LY6L: variants seen among roughly 807,000 people sequenced by gnomAD.
The protein encoded by LY6L is lymphocyte antigen 6 family member L, also known as lymphocyte antigen 6L.
A neutral mutation model predicts 8.3 loss-of-function variants in LY6L; 8 were observed. The ratio of observed to expected loss-of-function variants is 0.97; its 90% CI spans 0.57 to 1.74. LY6L has a LOEUF of 1.74. Ranked by LOEUF, LY6L falls within the 40% of genes most tolerant of loss-of-function variation. The pLI, the probability that LY6L is intolerant of heterozygous loss-of-function variation, is 0.00. For synonymous variants in LY6L, 79 were observed against 77.9 expected (o/e 1.01, Z -0.07); for missense variants, 156 against 183.8 (o/e 0.85, Z 0.87).
chr8:143,080,917 G>T (rs184426919), intron 1 of LY6L, 119 bp from the exon 2 acceptor site: 13 of 694,184 alleles, frequency 1.9e-5, no homozygotes, highest in Admixed American at 2.9e-5. Flanking sequence ...GTCCGGGAGC[G>T]CAGGAGGCTA....
chr8:143,081,154 G>T, intron 2 of LY6L, 28 bp downstream of exon 2: 1 of 1,532,658 alleles, frequency 6.5e-7, no homozygotes, highest in South Asian at 1.2e-5. Context: ...CTGGGCTGGG[G>T]GCGTCGGGGC....
At position 143,082,630 on chromosome 8, in the gene LY6L, C is replaced by T; in HGVS notation, c.396C>T (p.Ser132=). The change falls in exon 4 of 4, where the codon AGC becomes AGT. Residue 132 remains serine (S), a synonymous_variant. Coordinates refer to ENST00000562505, the MANE Select transcript of LY6L (RefSeq NM_001368160.2). ...GGCTCCTGCTCCAGGTGGGCCTCAG[C>T]CTCCTCAGGGCCCTGTTGTGAGGGC... ...RGGLLLQVGL[S]LLRALL 8 of 1,516,098 alleles carry T rather than the reference C, an allele frequency of 5.3e-6. No individual in the cohort carries two copies. Among genetic ancestry groups the T allele is most frequent in the Non-Finnish European group, 7.1e-6 (8 of 1,133,320 alleles). The allele number at this position is 1,516,098 out of a possible 1,614,324, so 93.9% of individuals were successfully genotyped here. A position where few individuals can be genotyped will look rare whatever the true frequency, so the allele number is the denominator to read the frequency against.
At position 143,082,633 on chromosome 8, in the gene LY6L, C is replaced by T; in HGVS notation, c.399C>T (p.Leu133=). The T allele has an allele frequency of 6.6e-7, 1 of 1,508,374 alleles. No individual in the cohort carries two copies. Among genetic ancestry groups the T allele is most frequent in the Non-Finnish European group, 8.9e-7 (1 of 1,129,162 alleles). 93.4% of individuals were successfully genotyped at this position (1,508,374 alleles called of 1,614,324 possible). A position where few individuals can be genotyped will look rare whatever the true frequency, so the allele number is the denominator to read the frequency against. ...TCCTGCTCCAGGTGGGCCTCAGCCT[C>T]CTCAGGGCCCTGTTGTGAGGGCCCT... ...GGLLLQVGLS[L]LRALL is the part of the protein sequence containing the mutation. Residue 133 remains leucine, a synonymous_variant, in exon 4 of 4, where the codon CTC becomes CTT. Coordinates refer to ENST00000562505, the MANE Select transcript of LY6L (RefSeq NM_001368160.2).
chr8:143,081,293 A>C lies in LY6L; in HGVS notation c.156A>C (p.Gln52His). The C allele has an allele frequency of 1.3e-6, 2 of 1,532,666 alleles. No homozygotes were observed. Among genetic ancestry groups the C allele is most frequent in the Non-Finnish European group, 1.7e-6 (2 of 1,144,774 alleles). The allele number at this position is 1,532,666 out of a possible 1,614,324, so 94.9% of individuals were successfully genotyped here. Residue 52 changes from glutamine (Q) to histidine (H), a missense_variant, in exon 3 of 4, where the codon CAA becomes CAC. Coordinates refer to ENST00000562505, the MANE Select transcript of LY6L (RefSeq NM_001368160.2). Reference protein sequence around the residue: ...CPPTWCSPLDQVCISNEVVVS... With the variant: ...CPPTWCSPLDHVCISNEVVVS... ...CCACCTGGTGCAGCCCGCTGGACCA[A>C]GTCTGCATCTCCAACGAGGTGGTCG...
At chr8:143,081,171 T>A in intron 2 of LY6L, 40 bp from the exon 3 acceptor site, 1 of 1,527,688 alleles carries the variant, frequency 6.5e-7, no homozygotes, top group Non-Finnish European at 8.8e-7. Context: ...GGGCTGGAGC[T>A]GCGGACGCTG....
chr8:143,080,694 G>T (rs1200374435), intron 1 of LY6L, 35 bp downstream of exon 1: 7 of 245,652 alleles, frequency 2.8e-5, no homozygotes, highest in Middle Eastern at 1.2e-3. Flanking sequence ...TGGGCCGGGG[G>T]CTGGGATGAG....
chr8:143,080,893 C>T, intron 1 of LY6L, 143 bp from the exon 2 acceptor site: 1 of 614,934 alleles, frequency 1.6e-6, no homozygotes, highest in Non-Finnish European at 2.8e-6. Flanking sequence ...GGGGGACGTC[C>T]TGGGTGAAGC....
At chr8:143,081,960 C>T (rs367739551) in intron 3 of LY6L, among the ~76,000 whole-genome samples, 1 of 152,194 alleles carries the variant, frequency 6.6e-6, no homozygotes, top group Non-Finnish European at 1.5e-5. Flanking sequence ...TTGACAGACA[C>T]GTCCGTCAGA....
chr8:143,080,938 G>C (rs998788117), intron 1 of LY6L, 98 bp from the exon 2 acceptor site: 24 of 855,300 alleles, frequency 2.8e-5, no homozygotes, highest in Middle Eastern at 3.4e-4. Flanking sequence ...GTGTGGGATG[G>C]GGGGTGCGCC....
chr8:143,080,976 A>G, intron 1 of LY6L, 60 bp from the exon 2 acceptor site: 1 of 1,261,246 alleles, frequency 7.9e-7, no homozygotes, highest in Non-Finnish European at 1.1e-6. Context: ...CGGGAGCAGG[A>G]AGCTGGGGAG....
intron 1 of LY6L, 146 bp downstream of exon 1, chr8:143,080,805 C>T (rs1820414014): frequency 6.1e-6 from 3 of 487,972 alleles, no homozygotes; most frequent in African/African-American, 4.0e-5. Context: ...GGGAGGAGAG[C>T]GAGCGTCGGG....
chr8:143,083,208 G>A lies in LY6L; in HGVS notation c.*557G>A, dbSNP rs1820466326. ...ATGGTGCCTCCGGTGTTGGGTGATG[G>A]GGAAGGACGGTGCCTCTGGTGTTGG... is the stretch of plus-strand genomic sequence containing the variant. On this transcript the variant is annotated 3_prime_UTR_variant, in exon 4 of 4. Transcript: ENST00000562505. Among the ~76,000 whole-genome samples the A allele has an allele frequency of 6.9e-6, 1 of 144,036 alleles. No homozygotes were observed. The highest frequency in any genetic ancestry group is 2.6e-5 in the African/African-American group (1 of 38,532). 94.5% of individuals were successfully genotyped at this position (144,036 alleles called of 152,430 possible).
intron 1 of LY6L, 109 bp from the exon 2 acceptor site, chr8:143,080,927 A>C: frequency 2.7e-6 from 2 of 740,380 alleles, no homozygotes; most frequent in Non-Finnish European, 4.3e-6. Context: ...GCAGGAGGCT[A>C]GTGTGGGATG....
rs1393477717 is a variant in LY6L at position 143,081,074 on chromosome 8, C to T, written c.21C>T (p.Thr7=). The T allele has an allele frequency of 7.8e-6, 12 of 1,534,906 alleles. No individual in the cohort carries two copies. Among genetic ancestry groups the T allele is most frequent in the Non-Finnish European group, 5.2e-6 (6 of 1,146,406 alleles). The change falls in exon 2 of 4, where the codon ACC becomes ACT. Residue 7 remains threonine (T), a synonymous_variant. Coordinates refer to ENST00000562505, the MANE Select transcript of LY6L (RefSeq NM_001368160.2). ...GCGTCATGGAGAGGCTCGTCCTAAC[C>T]CTGTGCACCCTCCCGCTGGCTGTGG... MERLVL[T]LCTLPLAVAS...
intron 3 of LY6L, 26 bp downstream of exon 3, chr8:143,081,353 G>A: frequency 7.2e-7 from 1 of 1,393,848 alleles, no homozygotes; most frequent in Non-Finnish European, 9.6e-7. Context: ...GCAGAGGGCA[G>A]GTGCCAGGTG....
Position 143,082,761 on chromosome 8 carries a change from C to A in LY6L, c.*110C>A. 1.1e-6 allele frequency: 1 copy of A among 921,668 alleles called. No homozygotes were observed. Among genetic ancestry groups the A allele is most frequent in the Non-Finnish European group, 1.6e-6 (1 of 643,124 alleles). 57.1% of individuals were successfully genotyped at this position (921,668 alleles called of 1,614,324 possible). The stretch of plus-strand genomic sequence containing the variant: ...AGGACACTGGGGGGGGACCCTCCCT[C>A]TCTGAGGTGGTGGGGAGGGTGCCAT... On this transcript the variant is annotated 3_prime_UTR_variant, in exon 4 of 4. Transcript: ENST00000562505.
chr8:143,082,747 G>A lies in LY6L; in HGVS notation c.*96G>A. On this transcript the variant is annotated 3_prime_UTR_variant, in exon 4 of 4. Transcript: ENST00000562505. ...CCTCCGCCCCTTCCAGGACACTGGG[G>A]GGGGACCCTCCCTCTCTGAGGTGGT... The A allele has an allele frequency of 1.1e-5, 11 of 1,022,106 alleles. No homozygotes were observed. The highest frequency in any genetic ancestry group is 9.5e-6 in the Non-Finnish European group (7 of 733,790). 63.3% of individuals were successfully genotyped at this position (1,022,106 alleles called of 1,614,324 possible).
Position 143,081,393 on chromosome 8 carries a change from A to G in LY6L, c.190+66A>G, listed in dbSNP as rs894052276. 15 of 1,063,396 alleles carry G rather than the reference A, an allele frequency of 1.4e-5. 1 individual carries two copies. In the Admixed American group the frequency reaches 3.1e-4, roughly 22 times the overall value. 65.9% of individuals were successfully genotyped at this position (1,063,396 alleles called of 1,614,324 possible). ...GGAAGGGCCGGTGCCCCCGCCTCTC[A>G]GCGACTTAGCTATGAGTCCTCGGCG... On this transcript the variant is annotated intron_variant, in intron 3 of 3. Coordinates refer to ENST00000562505, the MANE Select transcript of LY6L (RefSeq NM_001368160.2).
Position 143,081,643 on chromosome 8 carries a change from C to G in LY6L, c.190+316C>G, listed in dbSNP as rs542315788. On this transcript the variant is annotated intron_variant, in intron 3 of 3. Coordinates refer to ENST00000562505, the MANE Select transcript of LY6L (RefSeq NM_001368160.2). ...GCTGTTCGAGGCGATGGGTTATCTGCCCTTCCTGGCACAGCACAGTACACC... is the reference window on the plus strand; with the variant it reads ...GCTGTTCGAGGCGATGGGTTATCTGGCCTTCCTGGCACAGCACAGTACACC... Among the ~76,000 whole-genome samples the G allele has an allele frequency of 4.6e-5, 7 of 152,332 alleles. No individual in the cohort carries two copies. In the East Asian group the frequency reaches 1.4e-3, roughly 29 times the overall value.
Sources: gnomAD v4.1 joint callset for allele counts (sites outside exome capture counted in the v4.1 genomes callset) on GRCh38, gnomAD v4.1.1 for gene constraint, MANE v1.5 for transcripts, NCBI Gene and HGNC (gene_info 2026-07-23, HGNC 2026-07-21) for gene names.